The following TENM3 variants were observed in gnomAD, a reference collection of about 807,000 sequenced individuals.
The protein encoded by TENM3 is teneurin-3.
A neutral mutation model predicts 255.1 loss-of-function variants in TENM3; 63 were observed. The ratio of observed to expected loss-of-function variants is 0.25; its 90% confidence interval spans 0.20 to 0.30. The LOEUF is 0.30. Ranked by LOEUF, TENM3 falls within the 10% of genes least tolerant of loss-of-function variation. The pLI is 1.00. For synonymous variants in TENM3, 1,306 were observed against 1,322.3 expected (o/e 0.99, Z 0.27); for missense variants, 2,929 against 3,461.1 (o/e 0.85, Z 3.86).
chr4:181,714,607 C>T, the TENM3 span, among the ~76,000 whole-genome samples: 20 of 152,292 alleles, frequency 1.3e-4, 1 homozygote, highest in African/African-American at 4.6e-4. Context: ...TATTTTCTTG[C>T]TTTCTCCTCC....
At chr4:182,204,218 G>T (rs1754397188) in intron 1 of TENM3, among the ~76,000 whole-genome samples, 1 of 152,202 alleles carries the variant, frequency 6.6e-6, no homozygotes, top group African/African-American at 2.4e-5. Context: ...TGGTGATAAT[G>T]GGCTCTGATA....
At chr4:181,520,837 G>A in the TENM3 span, among the ~76,000 whole-genome samples, 1 of 152,138 alleles carries the variant, frequency 6.6e-6, no homozygotes, top group Admixed American at 6.5e-5. Context: ...GACCCCAGAA[G>A]TTCCAAGCAT....
chr4:181,466,571 G>A, the TENM3 span, among the ~76,000 whole-genome samples: 1 of 152,022 alleles, frequency 6.6e-6, no homozygotes, highest in Non-Finnish European at 1.5e-5. Context: ...TCCCTGGAAG[G>A]TAGAAAGAAG....
At chr4:181,977,880 C>T in the TENM3 span, among the ~76,000 whole-genome samples, 13 of 152,208 alleles carry the variant, frequency 8.5e-5, no homozygotes, top group Admixed American at 2.6e-4. Flanking sequence ...AATAGGATAA[C>T]GTTCACAAGC....
At chr4:181,798,003 G>C in the TENM3 span, among the ~76,000 whole-genome samples, 1 of 151,994 alleles carries the variant, frequency 6.6e-6, no homozygotes, top group African/African-American at 2.4e-5. Context: ...AGTTCTCACT[G>C]TTCTATCTTT....
chr4:182,766,361 C>T (rs745326178), intron 22 of TENM3, among the ~76,000 whole-genome samples: 7 of 151,642 alleles, frequency 4.6e-5, no homozygotes, highest in South Asian at 2.1e-4. Flanking sequence ...CTTCCTCACT[C>T]GATAAACAAT....
chr4:181,797,513 T>G, the TENM3 span, among the ~76,000 whole-genome samples: 4 of 152,142 alleles, frequency 2.6e-5, no homozygotes, highest in African/African-American at 9.7e-5. Flanking sequence ...AACATATACA[T>G]GAATGTGTAT....
At chr4:182,614,154 G>A (rs539508333) in intron 4 of TENM3, among the ~76,000 whole-genome samples, 9 of 152,208 alleles carry the variant, frequency 5.9e-5, no homozygotes, top group African/African-American at 1.9e-4. Context: ...CTTATTTAAA[G>A]TGTTTATTTT....
At chr4:182,259,416 A>G (rs1267354005) in intron 1 of TENM3, among the ~76,000 whole-genome samples, 2 of 152,092 alleles carry the variant, frequency 1.3e-5, no homozygotes, top group Non-Finnish European at 2.9e-5. Context: ...GGCTTCAGCG[A>G]TTCTCCCACC....
intron 7 of TENM3, among the ~76,000 whole-genome samples, chr4:182,678,319 A>G (rs1015839519): frequency 6.6e-6 from 1 of 152,188 alleles, no homozygotes; most frequent in Non-Finnish European, 1.5e-5. Flanking sequence ...GTCTAATTTT[A>G]CTACAACAAA....
the TENM3 span, among the ~76,000 whole-genome samples, chr4:181,840,342 T>C: frequency 3.3e-5 from 5 of 152,144 alleles, no homozygotes; most frequent in Non-Finnish European, 5.9e-5. Flanking sequence ...CTAAATCTGC[T>C]GTTTGGAACT....
At chr4:182,431,002 A>T (rs1771592421) in intron 3 of TENM3, among the ~76,000 whole-genome samples, 1 of 149,490 alleles carries the variant, frequency 6.7e-6, no homozygotes. Context: ...ACACAGCAAG[A>T]CTCCATCTCT....
intron 22 of TENM3, among the ~76,000 whole-genome samples, chr4:182,761,470 A>G (rs1763188053): frequency 6.6e-6 from 1 of 152,088 alleles, no homozygotes; most frequent in Admixed American, 6.6e-5. Context: ...CAAAACTGAG[A>G]GGATATCCTT....
chr4:181,712,911 T>C, the TENM3 span, among the ~76,000 whole-genome samples: 1 of 152,190 alleles, frequency 6.6e-6, no homozygotes, highest in Non-Finnish European at 1.5e-5. Flanking sequence ...GATGTTGGGA[T>C]ATAGAGGGGG....
chr4:181,903,143 T>G, the TENM3 span, among the ~76,000 whole-genome samples: 3 of 152,194 alleles, frequency 2.0e-5, no homozygotes, highest in South Asian at 6.2e-4. Flanking sequence ...GTACGAGGGA[T>G]CCTATTCACC....
the TENM3 span, among the ~76,000 whole-genome samples, chr4:181,467,121 A>ATTTTTTTT: frequency 3.4e-4 from 7 of 20,376 alleles, no homozygotes; most frequent in Admixed American, 3.1e-3. Context: ...ATATATATAT[A>ATTTTTTTT]TATATTTTTT....
chr4:181,858,430 G>A, the TENM3 span, among the ~76,000 whole-genome samples: 1 of 152,160 alleles, frequency 6.6e-6, no homozygotes, highest in Non-Finnish European at 1.5e-5. Context: ...CAGATGCTGG[G>A]CTAATGCTTT....
At chr4:181,869,274 G>C in the TENM3 span, among the ~76,000 whole-genome samples, 2 of 152,098 alleles carry the variant, frequency 1.3e-5, no homozygotes, top group African/African-American at 2.4e-5. Flanking sequence ...CTTCAGTTTA[G>C]AGGGATTTGC....
intron 2 of TENM3, among the ~76,000 whole-genome samples, chr4:182,339,643 T>A (rs2150607439): frequency 6.6e-6 from 1 of 152,308 alleles, no homozygotes; most frequent in South Asian, 2.1e-4. Context: ...AGCTTACTGC[T>A]CAACTTGTAT....
Sources: gnomAD v4.1 joint callset for allele counts (sites outside exome capture counted in the v4.1 genomes callset) on GRCh38, gnomAD v4.1.1 for gene constraint, MANE v1.5 for transcripts, NCBI Gene and HGNC (gene_info 2026-07-23, HGNC 2026-07-21) for gene names.